The following AMH variants were observed in gnomAD, a reference collection of about 807,000 sequenced individuals.
The protein encoded by AMH is anti-Muellerian hormone.
A neutral mutation model predicts 33.3 loss-of-function variants in AMH; 39 were observed. The observed-to-expected ratio is 1.17, with a 90% CI of 0.91 to 1.53. The LOEUF (loss-of-function observed/expected upper bound fraction) is 1.53, where lower values mean the gene tolerates loss of function less well. Among genes scored for constraint, AMH ranks in the 40% most tolerant of loss-of-function variants. The pLI is 0.00. For synonymous variants in AMH, 536 were observed against 403.0 expected (o/e 1.33, Z -3.95); for missense variants, 1,019 against 799.8 (o/e 1.27, Z -3.30).
chr19:2,249,830 A>G, intron 1 of AMH, 86 bp downstream of exon 1: 2 of 1,390,938 alleles, frequency 1.4e-6, no homozygotes. Flanking sequence ...GGGCTGGCAG[A>G]GCCCCCACCC....
rs1474771485 is a variant in AMH at position 2,250,750 on chromosome 19, C to T, written c.654C>T (p.Pro218=). 1.2e-5 allele frequency: 18 copies of T among 1,535,844 alleles called. No individual in the cohort carries two copies. The highest frequency in any genetic ancestry group is 1.6e-5 in the Non-Finnish European group (18 of 1,147,074). ...RGSGLALTLQ[P]RGEDSRLSTA... is the part of the protein sequence containing the mutation. ...CCGGGCTGGCCTTGACCCTGCAGCCCCGCGGAGAGGGTAGGTCCGCGTGGA... is the reference window on the plus strand; with the variant it reads ...CCGGGCTGGCCTTGACCCTGCAGCCTCGCGGAGAGGGTAGGTCCGCGTGGA... The change falls in exon 3 of 5, where the codon CCC becomes CCT. Residue 218 remains proline, a synonymous_variant. Transcript: ENST00000221496.
chr19:2,250,712 G>C lies in AMH; in HGVS notation c.616G>C (p.Ala206Pro), dbSNP rs558720829. 1.1e-5 allele frequency: 17 copies of C among 1,538,616 alleles called. No individual in the cohort carries two copies. In the African/African-American group the frequency reaches 2.2e-4, roughly 20 times the overall value. The change falls in exon 3 of 5, where the codon GCC becomes CCC. Residue 206 changes from alanine to proline, a missense_variant. By Grantham distance (27) the Ala-to-Pro change is conservative (BLOSUM62 -1). Coordinates refer to ENST00000221496, the MANE Select transcript of AMH (RefSeq NM_000479.5). Reference sequence around the variant, plus strand: ...GTTAGCGGTGGACCGCCCTGCGGGGGCCTGGCGCGGCTCCGGGCTGGCCTT... The same window carrying C: ...GTTAGCGGTGGACCGCCCTGCGGGGCCCTGGCGCGGCTCCGGGCTGGCCTT... Reference protein sequence around the residue: ...LVLAVDRPAGAWRGSGLALTL... With the variant: ...LVLAVDRPAGPWRGSGLALTL...
In AMH at chr19:2,249,727, T is replaced by C. The variant is rs2024996578; in HGVS notation, c.395T>C (p.Val132Ala). 2 of 1,506,010 alleles carry C rather than the reference T, an allele frequency of 1.3e-6. No individual in the cohort carries two copies. The highest frequency in any genetic ancestry group is 4.6e-5 in the East Asian group (2 of 43,726). 93.3% of individuals were successfully genotyped at this position (1,506,010 alleles called of 1,614,324 possible). The change falls in exon 1 of 5, where the codon GTC becomes GCC. Residue 132 changes from valine (V) to alanine (A), a missense_variant. Val to Ala is a moderately conservative substitution (Grantham distance 64, BLOSUM62 0). Coordinates refer to ENST00000221496, the MANE Select transcript of AMH (RefSeq NM_000479.5). ...LRDPGGQRLVVLHLEEVTWEP... is the reference protein window; with the variant it reads ...LRDPGGQRLVALHLEEVTWEP... ...GACCCTGGGGGGCAGCGCCTGGTGG[T>C]CCTACACCTGGAGGAAGGTATGTGG...
At position 2,251,287 on chromosome 19, in the gene AMH, G is replaced by T. The variant is rs771925752; in HGVS notation, c.1013G>T (p.Arg338Leu). 1.3e-6 allele frequency: 2 copies of T among 1,503,358 alleles called. No individual in the cohort carries two copies. The highest frequency in any genetic ancestry group is 1.8e-6 in the Non-Finnish European group (2 of 1,134,004). The allele number at this position is 1,503,358 out of a possible 1,614,324, so 93.1% of individuals were successfully genotyped here. Reference sequence around the variant, plus strand: ...CTGTCGGACCCCGCGGCGCTGGAGCGCCTACTCGACGGCGAGGAGCCGCTG... The same window carrying T: ...CTGTCGGACCCCGCGGCGCTGGAGCTCCTACTCGACGGCGAGGAGCCGCTG... ...VNLSDPAALE[R>L]LLDGEEPLLL... is the part of the protein sequence containing the mutation. Residue 338 changes from arginine (R) to leucine (L), a missense_variant, in exon 5 of 5, where the codon CGC becomes CTC. Coordinates refer to ENST00000221496, the MANE Select transcript of AMH (RefSeq NM_000479.5).
intron 1 of AMH, chr19:2,249,958 G>A (rs781101917): frequency 3.6e-4 from 234 of 653,338 alleles, no homozygotes; most frequent in Non-Finnish European, 5.1e-4. Context: ...CCCCTGCCTC[G>A]GTGCCAGGGA....
rs748530378 is a variant in AMH at position 2,251,893 on chromosome 19, C to G, written c.1619C>G (p.Ser540Trp). ...AYAGKLLISLSEERISAHHVP... is the reference protein window; with the variant it reads ...AYAGKLLISLWEERISAHHVP... ...GCGGGCAAGCTGCTCATCAGCCTGTCGGAGGAGCGCATCAGCGCGCACCAC... is the reference window on the plus strand; with the variant it reads ...GCGGGCAAGCTGCTCATCAGCCTGTGGGAGGAGCGCATCAGCGCGCACCAC... The change falls in exon 5 of 5, where the codon TCG (serine) becomes TGG (tryptophan). Residue 540 changes from serine to tryptophan, a missense_variant. Coordinates refer to ENST00000221496, the MANE Select transcript of AMH (RefSeq NM_000479.5). The G allele has an allele frequency of 1.6e-5, 25 of 1,575,110 alleles. No individual in the cohort carries two copies. The highest frequency in any genetic ancestry group is 2.1e-5 in the Non-Finnish European group (24 of 1,168,370).
rs2145030761 is a variant in AMH at position 2,251,227 on chromosome 19, A to G, written c.953A>G (p.Asp318Gly). 1 of 1,502,396 alleles carries G rather than the reference A, an allele frequency of 6.7e-7. No homozygotes were observed. Among genetic ancestry groups the G allele is most frequent in the Non-Finnish European group, 8.8e-7 (1 of 1,133,232 alleles). 93.1% of individuals were successfully genotyped at this position (1,502,396 alleles called of 1,614,324 possible). Residue 318 changes from aspartate (D) to glycine (G), a missense_variant, in exon 5 of 5, where the codon GAC (aspartate) becomes GGC (glycine). By Grantham distance (94) the Asp-to-Gly change is moderately conservative (BLOSUM62 -1). Coordinates refer to ENST00000221496, the MANE Select transcript of AMH (RefSeq NM_000479.5). ...GCGCCGCGCCTGGCCCTGGATCCGG[A>G]CGCGCTGGCCGGCTTCCCGCAGGGC... Reference protein sequence around the residue: ...ASAPRLALDPDALAGFPQGLV... With the variant: ...ASAPRLALDPGALAGFPQGLV...
At position 2,250,916 on chromosome 19, in the gene AMH, G is replaced by T. The variant is rs1221859259; in HGVS notation, c.732G>T (p.Arg244=). The stretch of plus-strand genomic sequence containing the variant: ...GCGACGACCACCGCTGCTTCACACG[G>T]ATGACCCCGGCCCTGCTCCTGCTGC... ...LFGDDHRCFT[R]MTPALLLLPR... The change falls in exon 4 of 5, where the codon CGG becomes CGT. Residue 244 remains arginine (R), a synonymous_variant. Transcript: ENST00000221496. 1 of 1,566,562 alleles carries T rather than the reference G, an allele frequency of 6.4e-7. No homozygotes were observed. The highest frequency in any genetic ancestry group is 1.8e-5 in the Admixed American group (1 of 55,906).
At chr19:2,249,822 G>C in intron 1 of AMH, 78 bp downstream of exon 1, 2 of 1,406,610 alleles carry the variant, frequency 1.4e-6, no homozygotes, top group Admixed American at 5.8e-5. Context: ...AAGATCAGGG[G>C]CTGGCAGAGC....
Position 2,251,519 on chromosome 19 carries a change from CGG to C in AMH, c.1246_1247del (p.Gly416ArgfsTer?). ...TGCTCGCGCTCTGCCCAGGTGGCCCCGGCGGCCTCGGCGATCCCCTGCGAGCG... is the reference window on the plus strand; with the variant it reads ...TGCTCGCGCTCTGCCCAGGTGGCCCCCGGCCTCGGCGATCCCCTGCGAGCG... ...RLLALCPGGP[G>X]GLGDPLRALL... On this transcript the variant is annotated frameshift_variant, in exon 5 of 5. Transcript: ENST00000221496. LOFTEE classifies it high-confidence loss of function. 7.5e-7 allele frequency: 1 copy of C among 1,339,436 alleles called. No homozygotes were observed. Among genetic ancestry groups the C allele is most frequent in the Non-Finnish European group, 9.5e-7 (1 of 1,047,936 alleles). 83.0% of individuals were successfully genotyped at this position (1,339,436 alleles called of 1,614,324 possible).
Position 2,250,921 on chromosome 19 carries a change from C to T in AMH, c.737C>T (p.Thr246Ile), listed in dbSNP as rs1190000280. The T allele has an allele frequency of 1.3e-6, 2 of 1,562,728 alleles. No individual in the cohort carries two copies. The highest frequency in any genetic ancestry group is 2.3e-5 in the South Asian group (2 of 86,424). Residue 246 changes from threonine to isoleucine, a missense_variant, in exon 4 of 5, where the codon ACC becomes ATC. By Grantham distance (89) the Thr-to-Ile change is moderately conservative (BLOSUM62 -1). Transcript: ENST00000221496. The part of the protein sequence containing the change: ...GDDHRCFTRM[T>I]PALLLLPRSE... ...GACCACCGCTGCTTCACACGGATGA[C>T]CCCGGCCCTGCTCCTGCTGCCGCGG...
In AMH at chr19:2,251,861, C is replaced by T; in HGVS notation, c.1587C>T (p.Thr529=). ...CGCGCCCACCCTGCTGCGTGCCCAC[C>T]GCCTACGCGGGCAAGCTGCTCATCA... ...ALARPPCCVP[T]AYAGKLLISL... The change falls in exon 5 of 5, where the codon ACC becomes ACT. Residue 529 remains threonine, a synonymous_variant. Transcript: ENST00000221496. The T allele has an allele frequency of 1.3e-6, 2 of 1,591,330 alleles. No homozygotes were observed. Among genetic ancestry groups the T allele is most frequent in the Non-Finnish European group, 1.7e-6 (2 of 1,175,060 alleles).
Position 2,250,325 on chromosome 19 carries a change from T to G in AMH, c.413-12T>G, listed in dbSNP as rs1262388260. Reference sequence around the variant, plus strand: ...TCAATGGCTCAGGCGTCCCCTGCTGTCCCGGCTGCAGTGACCTGGGAGCCA... The same window carrying G: ...TCAATGGCTCAGGCGTCCCCTGCTGGCCCGGCTGCAGTGACCTGGGAGCCA... On this transcript the variant is annotated splice_polypyrimidine_tract_variant and intron_variant, in intron 1 of 4. Transcript: ENST00000221496. 1 of 1,591,994 alleles carries G rather than the reference T, an allele frequency of 6.3e-7. No homozygotes were observed. Among genetic ancestry groups the G allele is most frequent in the South Asian group, 1.1e-5 (1 of 88,486 alleles).
rs571174565 is a variant in AMH at position 2,249,647 on chromosome 19, C to A, written c.315C>A (p.Thr105=). The change falls in exon 1 of 5, where the codon ACC becomes ACA. Residue 105 remains threonine (T), a synonymous_variant. Transcript: ENST00000221496. ...TGGCCACCTTCGGGGTCTGCAACAC[C>A]GGTGACAGGCAGGCTGCCTTGCCCT... is the stretch of plus-strand genomic sequence containing the variant. ...RDLATFGVCN[T]GDRQAALPSL... 2 of 1,515,654 alleles carry A rather than the reference C, an allele frequency of 1.3e-6. No homozygotes were observed. Among genetic ancestry groups the A allele is most frequent in the Non-Finnish European group, 8.8e-7 (1 of 1,135,116 alleles). The allele number at this position is 1,515,654 out of a possible 1,614,324, so 93.9% of individuals were successfully genotyped here.
rs759038762 is a variant in AMH, at chr19:2,249,455, AGACTTG to A, written c.128_133del (p.Leu43_Asp44del). 89 of 1,605,944 alleles carry A rather than the reference AGACTTG, an allele frequency of 5.5e-5. No homozygotes were observed. Among genetic ancestry groups the A allele is most frequent in the Non-Finnish European group, 7.3e-5 (86 of 1,177,070 alleles). On this transcript the variant is annotated inframe_deletion, in exon 1 of 5. Coordinates refer to ENST00000221496, the MANE Select transcript of AMH (RefSeq NM_000479.5). ...GCACCAGTGGCCTCATCTTCCGAGA[AGACTTG>A]GACTGGCCTCCAGGCAGCCCACAAG...
At chr19:2,250,189 T>G (rs1453650312) in intron 1 of AMH, 148 bp from the exon 2 acceptor site, 4 of 1,343,514 alleles carry the variant, frequency 3.0e-6, no homozygotes, top group Non-Finnish European at 3.1e-6. Flanking sequence ...CACCGCTCCC[T>G]GGCTGCAGGA....
Position 2,251,138 on chromosome 19 carries a change from C to G in AMH, c.864C>G (p.Asp288Glu), listed in dbSNP as rs199831511. ...AELEESPPSADPFLETLTRLV... is the reference protein window; with the variant it reads ...AELEESPPSAEPFLETLTRLV... Reference sequence around the variant, plus strand: ...TCGAGGAGTCGCCACCCAGCGCAGACCCCTTCCTGGAGACGCTCACGCGCC... The same window carrying G: ...TCGAGGAGTCGCCACCCAGCGCAGAGCCCTTCCTGGAGACGCTCACGCGCC... The change falls in exon 5 of 5, where the codon GAC becomes GAG. Residue 288 changes from aspartate to glutamate, a missense_variant. Transcript: ENST00000221496. 2.0e-3 allele frequency: 3,141 copies of G among 1,535,074 alleles called. 7 individuals are homozygous for G. Among genetic ancestry groups the G allele is most frequent in the Non-Finnish European group, 2.5e-3 (2,878 of 1,147,888 alleles).
intron 1 of AMH, chr19:2,250,085 G>A (rs1472771207): frequency 2.2e-5 from 14 of 647,074 alleles, no homozygotes; most frequent in Non-Finnish European, 3.5e-5. Flanking sequence ...TACTCCCTGC[G>A]GGGAAGGGGC....
intron 2 of AMH, 33 bp downstream of exon 2, chr19:2,250,512 C>A (rs1455910751): frequency 6.5e-7 from 1 of 1,544,090 alleles, no homozygotes; most frequent in Non-Finnish European, 8.7e-7. Context: ...AGTGCCCGGG[C>A]CGTGGCGGGG....
Sources: gnomAD v4.1 joint callset for allele counts on GRCh38, gnomAD v4.1.1 for gene constraint, MANE v1.5 for transcripts, NCBI Gene and HGNC (gene_info 2026-07-23, HGNC 2026-07-21) for gene names.